Variants in MAPK8 observed in about 807,000 individuals in gnomAD.
MAPK8 encodes the protein mitogen-activated protein kinase 8.
In MAPK8, 13 loss-of-function variants were observed where a neutral mutation model predicts 52.9. The observed-to-expected ratio is 0.25, with a 90% CI of 0.16 to 0.39. MAPK8 has a LOEUF of 0.39. MAPK8 is among the 10% of genes least tolerant of loss of function. The pLI, the probability that MAPK8 is intolerant of heterozygous loss-of-function variation, is 1.00. For missense variants in MAPK8, 300 were observed against 519.2 expected (o/e 0.58, Z 4.10); for synonymous variants, 191 against 169.8 (o/e 1.12, Z -0.97).
At chr10:48,425,629 A>C (rs2043634007) in intron 7 of MAPK8, 1 of 352,354 alleles carries the variant, frequency 2.8e-6, no homozygotes, top group Non-Finnish European at 5.0e-6. Context: ...TTTATTTAGA[A>C]TTTGTGAGTT....
chr10:48,391,475 C>T lies in MAPK8; in HGVS notation c.-49-10137C>T, dbSNP rs186186877. Among the ~76,000 whole-genome samples the T allele has an allele frequency of 3.3e-5, 5 of 152,280 alleles. No individual in the cohort carries two copies. The East Asian group carries it at 9.6e-4, about 29-fold the overall frequency. ...GATGGAGAGATCAGTATATCAAATG[C>T]ATCCTCTATAAATCTCACCAGTATC... On this transcript the variant is annotated intron_variant, in intron 1 of 11. Transcript: ENST00000374189.
intron 1 of MAPK8, among the ~76,000 whole-genome samples, chr10:48,384,469 G>A (rs1415640056): frequency 1.3e-5 from 2 of 152,124 alleles, no homozygotes; most frequent in Non-Finnish European, 2.9e-5. Context: ...TTGTTGAATG[G>A]GTGGTCTTTT....
chr10:48,307,916 A>G (rs916384761), intron 1 of MAPK8, among the ~76,000 whole-genome samples: 4 of 152,212 alleles, frequency 2.6e-5, no homozygotes, highest in East Asian at 1.9e-4. Flanking sequence ...CTGAAGTATA[A>G]TAGATGGACC....
intron 5 of MAPK8, among the ~76,000 whole-genome samples, chr10:48,413,241 C>G (rs184298021): frequency 6.6e-6 from 1 of 152,266 alleles, no homozygotes; most frequent in African/African-American, 2.4e-5. Flanking sequence ...AAAAATGCTG[C>G]TATGAACATG....
At chr10:48,321,631 A>T (rs1360345865) in intron 1 of MAPK8, among the ~76,000 whole-genome samples, 1 of 152,160 alleles carries the variant, frequency 6.6e-6, no homozygotes, top group African/African-American at 2.4e-5. Context: ...TCTGAGTTTT[A>T]TAGTTTTAGC....
intron 1 of MAPK8, among the ~76,000 whole-genome samples, chr10:48,319,885 A>G (rs1477921206): frequency 3.3e-5 from 5 of 151,844 alleles, no homozygotes; most frequent in African/African-American, 7.2e-5. Context: ...AGGTTCATGT[A>G]TCATGTATCA....
chr10:48,410,435 C>T (rs976252736), intron 5 of MAPK8: 11 of 289,206 alleles, frequency 3.8e-5, no homozygotes, highest in East Asian at 2.3e-4. Flanking sequence ...TGAAATACGG[C>T]GTGATGTTTT....
intron 1 of MAPK8, among the ~76,000 whole-genome samples, chr10:48,347,519 G>T (rs1055601618): frequency 1.3e-5 from 2 of 152,118 alleles, no homozygotes; most frequent in African/African-American, 4.8e-5. Flanking sequence ...TCTACATTAG[G>T]TATTTCTCCT....
At chr10:48,427,678 G>A (rs1328940963) in intron 10 of MAPK8, among the ~76,000 whole-genome samples, 1 of 152,058 alleles carries the variant, frequency 6.6e-6, no homozygotes. Flanking sequence ...ATTTTTAGTA[G>A]AGACAGGGTT....
Position 48,434,989 on chromosome 10 carries a change from G to C in MAPK8, c.1244G>C (p.Ser415Thr). Residue 415 changes from serine (S) to threonine (T), a missense_variant, in exon 12 of 12, where the codon AGT becomes ACT. Ser to Thr is a moderately conservative substitution (Grantham distance 58). This residue lies in a region of MAPK8 where 119 missense variants were observed against 154.4 expected (regional missense o/e 0.77). Coordinates refer to ENST00000374189, the MANE Select transcript of MAPK8 (RefSeq NM_001323329.2). ...DPTLASDTDS[S>T]LEAAAGPLGC... ...ACTTTGGCCTCTGATACAGACAGCA[G>C]TCTAGAAGCAGCAGCTGGGCCTCTG... The C allele has an allele frequency of 7.1e-7, 1 of 1,411,166 alleles. No homozygotes were observed. Among genetic ancestry groups the C allele is most frequent in the Non-Finnish European group, 9.5e-7 (1 of 1,051,184 alleles). The allele number at this position is 1,411,166 out of a possible 1,614,324, so 87.4% of individuals were successfully genotyped here. A position where few individuals can be genotyped will look rare whatever the true frequency, so the allele number is the denominator to read the frequency against.
intron 1 of MAPK8, among the ~76,000 whole-genome samples, chr10:48,328,888 C>A (rs1843805872): frequency 6.6e-6 from 1 of 152,156 alleles, no homozygotes; most frequent in Admixed American, 6.6e-5. Flanking sequence ...TTAAGAAGTT[C>A]AGAAATTGAG....
chr10:48,315,781 G>A (rs1842440505), intron 1 of MAPK8, among the ~76,000 whole-genome samples: 1 of 151,026 alleles, frequency 6.6e-6, no homozygotes, highest in African/African-American at 2.4e-5. Flanking sequence ...TTTTTCTTAT[G>A]TCATGCCAGC....
chr10:48,424,985 TG>T (rs1790453891), intron 7 of MAPK8, among the ~76,000 whole-genome samples: 1 of 152,116 alleles, frequency 6.6e-6, no homozygotes, highest in Admixed American at 6.5e-5. Context: ...CTGTGTGGTT[TG>T]TGTCTTTTGA....
chr10:48,346,218 A>G (rs959035028), intron 1 of MAPK8, among the ~76,000 whole-genome samples: 1 of 152,256 alleles, frequency 6.6e-6, no homozygotes, highest in African/African-American at 2.4e-5. Flanking sequence ...TATACCAGAT[A>G]TAGATCTTAG....
At chr10:48,366,732 G>A (rs987163543) in intron 1 of MAPK8, among the ~76,000 whole-genome samples, 1 of 151,912 alleles carries the variant, frequency 6.6e-6, no homozygotes, top group African/African-American at 2.4e-5. Flanking sequence ...ATGGCCCATC[G>A]GTGTGTTGGA....
At chr10:48,334,672 C>T (rs993151997) in intron 1 of MAPK8, among the ~76,000 whole-genome samples, 1 of 152,076 alleles carries the variant, frequency 6.6e-6, no homozygotes, top group Non-Finnish European at 1.5e-5. Context: ...CCTTTTCGGC[C>T]GGAGTCTGAC....
In MAPK8 at chr10:48,370,085, TAATC is replaced by T. The variant is rs1169980966; in HGVS notation, c.-49-31525_-49-31522del. The stretch of plus-strand genomic sequence containing the variant: ...ATTTCAGTGCTAGGAGAAAGAGTGA[TAATC>T]AGTTGAGCAAGATCAGGAGATTCTT... On this transcript the variant is annotated intron_variant, in intron 1 of 11. Transcript: ENST00000374189. Among the ~76,000 whole-genome samples the T allele has an allele frequency of 3.3e-5, 5 of 152,274 alleles. No homozygotes were observed. The East Asian group carries it at 9.6e-4, about 29-fold the overall frequency.
At chr10:48,363,636 G>C (rs1847764832) in intron 1 of MAPK8, among the ~76,000 whole-genome samples, 1 of 152,080 alleles carries the variant, frequency 6.6e-6, no homozygotes, top group Non-Finnish European at 1.5e-5. Context: ...ATTTGTTACT[G>C]TTTTCATAGG....
chr10:48,315,688 A>G (rs1487374985), intron 1 of MAPK8, among the ~76,000 whole-genome samples: 1 of 145,600 alleles, frequency 6.9e-6, no homozygotes, highest in Non-Finnish European at 1.5e-5. Flanking sequence ...TATTTTGTAT[A>G]TTAGTTAATA....
Sources: allele counts gnomAD v4.1 joint callset (sites outside exome capture counted in the v4.1 genomes callset), GRCh38; gene constraint gnomAD v4.1.1; regional missense constraint gnomAD v4.1.1; transcripts MANE v1.5; gene names NCBI Gene and HGNC (gene_info 2026-07-23, HGNC 2026-07-21).